The following PDE2A variants were observed in gnomAD, a reference collection of about 807,000 sequenced individuals.
The protein encoded by PDE2A is cGMP-dependent 3',5'-cyclic phosphodiesterase.
A neutral mutation model predicts 133.6 loss-of-function variants in PDE2A; 53 were observed. The observed-to-expected ratio is 0.40, with a 90% CI of 0.32 to 0.50. The LOEUF (loss-of-function observed/expected upper bound fraction) is 0.50. PDE2A is among the 20% of genes least tolerant of loss of function. The probability of loss-of-function intolerance (pLI) is 0.73; values close to 1 mark genes in which losing one functional copy is unlikely to be tolerated. For missense variants in PDE2A, 796 were observed against 1,232.4 expected (o/e 0.65, Z 5.30); for synonymous variants, 491 against 490.2 (o/e 1.00, Z -0.02).
intron 6 of PDE2A, among the ~76,000 whole-genome samples, chr11:72,593,487 T>G (rs1856343547): frequency 6.6e-6 from 1 of 152,216 alleles, no homozygotes; most frequent in East Asian, 1.9e-4. Flanking sequence ...AAGAGAGGGT[T>G]AAAACCCAGC....
intron 2 of PDE2A, among the ~76,000 whole-genome samples, chr11:72,612,314 C>A (rs1017716656): frequency 1.5e-5 from 2 of 132,874 alleles, no homozygotes; most frequent in African/African-American, 5.7e-5. Context: ...CACACACACA[C>A]ACACACAGAA....
intron 25 of PDE2A, 141 bp downstream of exon 25, chr11:72,580,436 C>G: frequency 1.4e-6 from 1 of 703,188 alleles, no homozygotes; most frequent in African/African-American, 1.8e-5. Context: ...GGAAAATGAG[C>G]CAGACATGTC....
At position 72,642,335 on chromosome 11, in the gene PDE2A, T is replaced by A; in HGVS notation, c.72-9A>T. 2 of 1,537,788 alleles carry A rather than the reference T, an allele frequency of 1.3e-6. No individual in the cohort carries two copies. The highest frequency in any genetic ancestry group is 1.7e-6 in the Non-Finnish European group (2 of 1,144,890). ...AGACCTGCTGGCCCCGCCTGAGGAATTGGACAACAGCGATGAGGATGTGGT... is the reference window on the plus strand; with the variant it reads ...AGACCTGCTGGCCCCGCCTGAGGAAATGGACAACAGCGATGAGGATGTGGT... On this transcript the variant is annotated splice_polypyrimidine_tract_variant and intron_variant, in intron 1 of 30. Transcript: ENST00000334456.
intron 2 of PDE2A, among the ~76,000 whole-genome samples, chr11:72,641,614 G>A (rs1414387639): frequency 6.6e-6 from 1 of 152,214 alleles, no homozygotes; most frequent in African/African-American, 2.4e-5. Flanking sequence ...ACAAGAGGAG[G>A]GGCCCCCCAC....
At chr11:72,631,686 G>A (rs533424629) in intron 2 of PDE2A, among the ~76,000 whole-genome samples, 2 of 151,264 alleles carry the variant, frequency 1.3e-5, no homozygotes, top group East Asian at 2.0e-4. Flanking sequence ...TCAGACCCCC[G>A]ACCTGTATCC....
At chr11:72,650,560 A>G (rs117881423) in intron 1 of PDE2A, among the ~76,000 whole-genome samples, 6,487 of 151,954 alleles carry the variant, frequency 0.043, 198 homozygotes, top group Non-Finnish European at 0.062. Context: ...AAAGGTCCCA[A>G]TCCTTCCCCA....
intron 3 of PDE2A, 41 bp downstream of exon 3, chr11:72,608,621 G>T (rs1199566374): frequency 1.0e-6 from 1 of 976,392 alleles, no homozygotes; most frequent in Non-Finnish European, 1.6e-6. Context: ...CAAAGGATTT[G>T]GGGGTGGGGT....
chr11:72,644,355 T>C (rs1039087882), intron 1 of PDE2A, among the ~76,000 whole-genome samples: 2 of 152,374 alleles, frequency 1.3e-5, no homozygotes, highest in Non-Finnish European at 2.9e-5. Flanking sequence ...GGCTAAGATG[T>C]GTAAAGGTTC....
chr11:72,605,208 G>T lies in PDE2A; in HGVS notation c.253C>A (p.Leu85Ile), dbSNP rs1382297479. 6.8e-6 allele frequency: 11 copies of T among 1,609,818 alleles called. No homozygotes were observed. The highest frequency in any genetic ancestry group is 9.3e-6 in the Non-Finnish European group (11 of 1,177,724). Residue 85 changes from leucine (L) to isoleucine (I), a missense_variant, in exon 4 of 31, where the codon CTA becomes ATA. Leu to Ile is a conservative substitution (Grantham distance 5). Transcript: ENST00000334456. Reference protein sequence around the residue: ...LPRVETVYTYLLDGESQLVCE... With the variant: ...LPRVETVYTYILDGESQLVCE... ...ACCAGCTGGGACTCACCATCCAGTAGGTAGGTGTAGACAGTTTCCTAGGAC... is the reference window on the plus strand; with the variant it reads ...ACCAGCTGGGACTCACCATCCAGTATGTAGGTGTAGACAGTTTCCTAGGAC...
At chr11:72,617,145 G>A (rs1453472513) in intron 2 of PDE2A, among the ~76,000 whole-genome samples, 2 of 152,238 alleles carry the variant, frequency 1.3e-5, no homozygotes, top group Admixed American at 1.3e-4. Context: ...AGCCCTCTCA[G>A]ATGTCGGGTA....
chr11:72,665,531 GGA>G (rs1291705405), intron 1 of PDE2A, among the ~76,000 whole-genome samples: 4 of 152,158 alleles, frequency 2.6e-5, no homozygotes, highest in South Asian at 2.1e-4. Context: ...CAGGACACCA[GGA>G]GCACTCTGTG....
intron 26 of PDE2A, 75 bp from the exon 27 acceptor site, chr11:72,579,458 C>T: frequency 6.4e-7 from 1 of 1,554,924 alleles, no homozygotes; most frequent in Non-Finnish European, 8.8e-7. Context: ...TGAGCCTCCA[C>T]TCCTTGGCTC....
chr11:72,594,582 G>A (rs1053965846), intron 6 of PDE2A, among the ~76,000 whole-genome samples: 17 of 152,084 alleles, frequency 1.1e-4, no homozygotes, highest in East Asian at 1.9e-4. Context: ...GTGAAGGGAC[G>A]GTTGTTGAAA....
At position 72,668,985 on chromosome 11, in the gene PDE2A, G is replaced by C. The variant is rs2135466568; in HGVS notation, c.71+5152C>G. On this transcript the variant is annotated intron_variant, in intron 1 of 30. Transcript: ENST00000334456. ...TTTCTGAAAGTGTGGCTGATCGTGGGTGGTTCATAATGACAGTAGCTAACC... is the reference window on the plus strand; with the variant it reads ...TTTCTGAAAGTGTGGCTGATCGTGGCTGGTTCATAATGACAGTAGCTAACC... The C allele has an allele frequency of 8.0e-6, 8 of 1,002,110 alleles. No homozygotes were observed. In the South Asian group the frequency reaches 2.6e-4, roughly 32 times the overall value. The allele number at this position is 1,002,110 out of a possible 1,614,324, so 62.1% of individuals were successfully genotyped here. A position where few individuals can be genotyped will look rare whatever the true frequency, so the allele number is the denominator to read the frequency against.
rs1462410771 is a variant in PDE2A, at chr11:72,589,739, C to T, written c.873+12G>A. ...CTGCAGACTCCAACGAGAAGACAGA[C>T]GCGGGACTCACGGGAAAGCTGACCT... On this transcript the variant is annotated intron_variant, in intron 11 of 30. Transcript: ENST00000334456. 6.2e-7 allele frequency: 1 copy of T among 1,613,428 alleles called. No individual in the cohort carries two copies. The highest frequency in any genetic ancestry group is 8.5e-7 in the Non-Finnish European group (1 of 1,179,662).
chr11:72,584,184 C>G lies in PDE2A; in HGVS notation c.1650+17G>C. 8.9e-7 allele frequency: 1 copy of G among 1,123,790 alleles called. No homozygotes were observed. Among genetic ancestry groups the G allele is most frequent in the Non-Finnish European group, 1.3e-6 (1 of 756,522 alleles). The allele number at this position is 1,123,790 out of a possible 1,614,324, so 69.6% of individuals were successfully genotyped here. The stretch of plus-strand genomic sequence containing the variant: ...GCCCCCTATCACCCCACACCCCACT[C>G]CCAACCCCGCCCTCACATGGGCGAT... On this transcript the variant is annotated intron_variant, in intron 19 of 30. Transcript: ENST00000334456.
chr11:72,609,350 C>T (rs967383397), intron 2 of PDE2A, among the ~76,000 whole-genome samples: 7 of 152,220 alleles, frequency 4.6e-5, no homozygotes, highest in Admixed American at 2.6e-4. Context: ...GCTGAATATT[C>T]GCTGAAGCTG....
chr11:72,592,317 C>T (rs1328746416), intron 6 of PDE2A, among the ~76,000 whole-genome samples: 2 of 152,182 alleles, frequency 1.3e-5, no homozygotes, highest in African/African-American at 2.4e-5. Flanking sequence ...ACTGGGGGCT[C>T]CTCCTTCCTC....
At chr11:72,587,559 C>T (rs866207289) in intron 13 of PDE2A, among the ~76,000 whole-genome samples, 7 of 152,222 alleles carry the variant, frequency 4.6e-5, no homozygotes, top group South Asian at 2.1e-4. Flanking sequence ...CCCAATCTCA[C>T]AGCCAGCAGC....
Sources: gnomAD v4.1 joint callset for allele counts (sites outside exome capture counted in the v4.1 genomes callset) on GRCh38, gnomAD v4.1.1 for gene constraint, MANE v1.5 for transcripts, NCBI Gene and HGNC (gene_info 2026-07-23, HGNC 2026-07-21) for gene names.